Variants in ACTR3 observed in about 807,000 individuals in gnomAD.
ACTR3 encodes the protein actin-related protein 3.
Under a neutral mutation model 56.8 loss-of-function variants are expected in ACTR3, and 12 were observed. The observed-to-expected ratio is 0.21, with a 90% CI of 0.14 to 0.34. The LOEUF is 0.34. ACTR3 is among the 10% of genes least tolerant of loss of function. The pLI, the probability that ACTR3 is intolerant of heterozygous loss-of-function variation, is 1.00. For missense variants in ACTR3, 282 were observed against 512.5 expected (o/e 0.55, Z 4.34); for synonymous variants, 162 against 167.4 (o/e 0.97, Z 0.25).
At chr2:113,931,701 A>G (rs1448680426) in intron 5 of ACTR3, among the ~76,000 whole-genome samples, 1 of 152,126 alleles carries the variant, frequency 6.6e-6, no homozygotes, top group Non-Finnish European at 1.5e-5. Flanking sequence ...AACATTGTAT[A>G]TATATTTATC....
intron 1 of ACTR3, among the ~76,000 whole-genome samples, chr2:113,908,443 T>G (rs1679244151): frequency 6.6e-6 from 1 of 151,864 alleles, no homozygotes; most frequent in Non-Finnish European, 1.5e-5. Flanking sequence ...TTTGAAAAGC[T>G]TTTATTTTGG....
At chr2:113,931,606 G>T (rs1047320092) in intron 5 of ACTR3, among the ~76,000 whole-genome samples, 2 of 152,086 alleles carry the variant, frequency 1.3e-5, no homozygotes, top group African/African-American at 4.8e-5. Flanking sequence ...AAAAAAGTAA[G>T]TTAGTGGTGT....
At chr2:113,921,874 A>G (rs553938389) in intron 3 of ACTR3, among the ~76,000 whole-genome samples, 105 of 152,318 alleles carry the variant, frequency 6.9e-4, no homozygotes, top group African/African-American at 2.4e-3. Flanking sequence ...GACATTACCT[A>G]GGGGAACATA....
intron 1 of ACTR3, among the ~76,000 whole-genome samples, chr2:113,893,346 T>C (rs1298451806): frequency 6.6e-6 from 1 of 152,016 alleles, no homozygotes; most frequent in Non-Finnish European, 1.5e-5. Context: ...TGGGCTGGAG[T>C]GCAGTGGCAC....
intron 10 of ACTR3, chr2:113,954,749 T>G (rs1680181281): frequency 6.6e-6 from 1 of 152,006 alleles, no homozygotes; most frequent in Non-Finnish European, 1.5e-5. Context: ...GAATCAGCCC[T>G]TTTTTTCTCC....
intron 3 of ACTR3, among the ~76,000 whole-genome samples, chr2:113,917,964 T>C (rs1224309614): frequency 6.6e-6 from 1 of 152,068 alleles, no homozygotes; most frequent in Non-Finnish European, 1.5e-5. Context: ...AAGAATAAAA[T>C]AGGAGTTAGC....
intron 10 of ACTR3, 181 bp downstream of exon 10, chr2:113,952,026 G>T (rs932607286): frequency 6.2e-6 from 5 of 806,992 alleles, no homozygotes; most frequent in Non-Finnish European, 9.1e-6. Flanking sequence ...ATTCTTCTAG[G>T]ATATTGTCTG....
At chr2:113,922,574 T>G (rs1432720873) in intron 3 of ACTR3, among the ~76,000 whole-genome samples, 1 of 151,862 alleles carries the variant, frequency 6.6e-6, no homozygotes, top group Non-Finnish European at 1.5e-5. Context: ...AGGAACAGAG[T>G]AGAAGAGTAA....
chr2:113,891,690 A>T (rs1468526909), intron 1 of ACTR3, among the ~76,000 whole-genome samples: 2 of 150,932 alleles, frequency 1.3e-5, no homozygotes, highest in African/African-American at 4.9e-5. Flanking sequence ...TTCACTCTTT[A>T]TGTGAAATTT....
Position 113,931,440 on chromosome 2 carries a change from C to T in ACTR3, c.432+44C>T, listed in dbSNP as rs756054890. On this transcript the variant is annotated intron_variant, in intron 5 of 11. Coordinates refer to ENST00000263238, the MANE Select transcript of ACTR3 (RefSeq NM_005721.5). ...TCTAAGTTTGATTCTTACATTTTAA[C>T]CTAGTTTAATTTGCTGCCTAAAATA... is the stretch of plus-strand genomic sequence containing the variant. 104 of 1,368,898 alleles carry T rather than the reference C, an allele frequency of 7.6e-5. No individual in the cohort carries two copies. The South Asian group carries it at 1.5e-3, about 19-fold the overall frequency. 84.8% of individuals were successfully genotyped at this position (1,368,898 alleles called of 1,614,324 possible). A position where few individuals can be genotyped will look rare whatever the true frequency, so the allele number is the denominator to read the frequency against.
intron 3 of ACTR3, among the ~76,000 whole-genome samples, chr2:113,918,726 T>C (rs575490447): frequency 1.4e-4 from 21 of 152,258 alleles, no homozygotes; most frequent in Middle Eastern, 6.8e-3. Flanking sequence ...ATAAAGAAAT[T>C]GTTATACTCT....
chr2:113,950,145 G>T (rs921717923), intron 8 of ACTR3, among the ~76,000 whole-genome samples: 1 of 152,122 alleles, frequency 6.6e-6, no homozygotes, highest in African/African-American at 2.4e-5. Context: ...CTTGTTTCAT[G>T]TGTGTTTCTT....
intron 1 of ACTR3, among the ~76,000 whole-genome samples, chr2:113,891,143 G>A (rs1351867020): frequency 6.6e-6 from 1 of 152,094 alleles, no homozygotes; most frequent in African/African-American, 2.4e-5. Context: ...TTTTAAGCAG[G>A]TTTTAAAGAG....
At chr2:113,949,497 A>T (rs1680083312) in intron 8 of ACTR3, among the ~76,000 whole-genome samples, 1 of 152,102 alleles carries the variant, frequency 6.6e-6, no homozygotes, top group Non-Finnish European at 1.5e-5. Flanking sequence ...AGGACAACCT[A>T]ATGATAAAAA....
Position 113,957,417 on chromosome 2 carries a change from A to G in ACTR3, c.1219A>G (p.Ile407Val). The G allele has an allele frequency of 6.2e-7, 1 of 1,613,426 alleles. No homozygotes were observed. Among genetic ancestry groups the G allele is most frequent in the Non-Finnish European group, 8.5e-7 (1 of 1,179,618 alleles). Reference sequence around the variant, plus strand: ...GGATTATGAAGAAATTGGACCTAGCATTTGTCGTCACAATCCAGTGTTTGG... The same window carrying G: ...GGATTATGAAGAAATTGGACCTAGCGTTTGTCGTCACAATCCAGTGTTTGG... The part of the protein sequence containing the change: ...KKDYEEIGPS[I>V]CRHNPVFGVM... Residue 407 changes from isoleucine to valine, a missense_variant, in exon 12 of 12, where the codon ATT (isoleucine) becomes GTT (valine). Coordinates refer to ENST00000263238, the MANE Select transcript of ACTR3 (RefSeq NM_005721.5).
In ACTR3 at chr2:113,904,827, A is replaced by G. The variant is rs555675327; in HGVS notation, c.45-8345A>G. The G allele has an allele frequency of 7.9e-5, 12 of 152,286 alleles. No homozygotes were observed. The East Asian group carries it at 1.9e-3, about 24-fold the overall frequency. The allele number at this position is 152,286 out of a possible 1,614,324, so 9.4% of individuals were successfully genotyped here. ...ATGGAGTTGAGTCTCTTTTCATTTAATAACCATTTCTGTTGTTCTGGGAAT... is the reference window on the plus strand; with the variant it reads ...ATGGAGTTGAGTCTCTTTTCATTTAGTAACCATTTCTGTTGTTCTGGGAAT... On this transcript the variant is annotated intron_variant, in intron 1 of 11. Transcript: ENST00000263238.
rs1680119835 is a variant in ACTR3, at chr2:113,951,490, A to C, written c.870A>C (p.Pro290=). 3 of 1,610,266 alleles carry C rather than the reference A, an allele frequency of 1.9e-6. No homozygotes were observed. Among genetic ancestry groups the C allele is most frequent in the African/African-American group, 2.7e-5 (2 of 74,918 alleles). The change falls in exon 9 of 12, where the codon CCA becomes CCC. Residue 290 remains proline, a synonymous_variant. Transcript: ENST00000263238. ...AACTTATTTTTCAGTTTGCTAATCCAGACTTTACACAACCTATCTCAGAAG... is the reference window on the plus strand; with the variant it reads ...AACTTATTTTTCAGTTTGCTAATCCCGACTTTACACAACCTATCTCAGAAG... ...EIFFHPEFAN[P]DFTQPISEVV... is the part of the protein sequence containing the mutation.
At chr2:113,904,315 G>T (rs1574352861) in intron 1 of ACTR3, 1 of 151,908 alleles carries the variant, frequency 6.6e-6, no homozygotes, top group South Asian at 2.1e-4. Flanking sequence ...TCAATTACAG[G>T]TCTATGTTAA....
chr2:113,953,395 A>C (rs1005494076), intron 10 of ACTR3: 1 of 152,128 alleles, frequency 6.6e-6, no homozygotes, highest in Non-Finnish European at 1.5e-5. Flanking sequence ...AAAAATCTGA[A>C]ATTCTGAGCA....
Sources: gnomAD v4.1 joint callset for allele counts (sites outside exome capture counted in the v4.1 genomes callset) on GRCh38, gnomAD v4.1.1 for gene constraint, MANE v1.5 for transcripts, NCBI Gene and HGNC (gene_info 2026-07-23, HGNC 2026-07-21) for gene names.